Variants in CCL14 observed in about 807,000 individuals in gnomAD.
The protein encoded by CCL14 is C-C motif chemokine ligand 14.
CCL14 carries 8 observed loss-of-function variants against 8.2 expected under a neutral mutation model. The observed-to-expected ratio is 0.98, with a 90% CI of 0.57 to 1.76. The LOEUF is 1.76. Ranked by LOEUF, CCL14 falls within the 40% of genes most tolerant of loss-of-function variation. The probability of loss-of-function intolerance (pLI) is 0.00; values close to 1 mark genes in which losing one functional copy is unlikely to be tolerated. For synonymous variants in CCL14, 50 were observed against 43.2 expected (o/e 1.16, Z -0.62); for missense variants, 127 against 118.3 (o/e 1.07, Z -0.34).
At chr17:35,983,942 A>ATGGGCTGTCTCTTCC in intron 2 of CCL14, 54 bp from the exon 3 acceptor site, 1 of 1,314,730 alleles carries the variant, frequency 7.6e-7, no homozygotes, top group African/African-American at 1.4e-5. Flanking sequence ...TGGCCGGAAG[A>ATGGGCTGTCTCTTCC]GACAGCCCAT....
At position 35,986,675 on chromosome 17, in the gene CCL14, G is replaced by C. The variant is rs1480128680; in HGVS notation, c.-26C>G. On this transcript the variant is annotated 5_prime_UTR_variant, in exon 1 of 3. Coordinates refer to ENST00000618404, the MANE Select transcript of CCL14 (RefSeq NM_032963.4). ...GCTGTGGGAAGCTGTTGTGGGAGGA[G>C]AGCTGGCCTGGTGGGAGCTTCAGAG... 3 of 1,586,208 alleles carry C rather than the reference G, an allele frequency of 1.9e-6. No individual in the cohort carries two copies. The highest frequency in any genetic ancestry group is 2.6e-6 in the Non-Finnish European group (3 of 1,154,912).
chr17:35,984,687 C>T (rs533731552), intron 1 of CCL14: 95 of 576,746 alleles, frequency 1.6e-4, no homozygotes, highest in African/African-American at 1.4e-3. Context: ...TTCAACCCCT[C>T]TTGGAAAGAC....
intron 1 of CCL14, chr17:35,986,295 C>T (rs2089767795): frequency 4.4e-6 from 2 of 458,802 alleles, no homozygotes; most frequent in Admixed American, 3.7e-5. Flanking sequence ...CAAGTCAAGT[C>T]TCATTGGTCA....
At position 35,983,561 on chromosome 17, in the gene CCL14, T is replaced by C; in HGVS notation, c.*240A>G. ...TTTTTGTACCAGGCTCCAGCAAAAC[T>C]TCTGCAGAGCGAGGCTTGATGCCGA... On this transcript the variant is annotated 3_prime_UTR_variant, in exon 3 of 3. Coordinates refer to ENST00000618404, the MANE Select transcript of CCL14 (RefSeq NM_032963.4). 1.3e-5 allele frequency: 6 copies of C among 456,794 alleles called. No homozygotes were observed. Among genetic ancestry groups the C allele is most frequent in the Non-Finnish European group, 1.9e-5 (5 of 257,526 alleles). 28.3% of individuals were successfully genotyped at this position (456,794 alleles called of 1,614,324 possible).
intron 1 of CCL14, 144 bp from the exon 2 acceptor site, chr17:35,984,596 A>C (rs1182867010): frequency 1.6e-6 from 1 of 633,404 alleles, no homozygotes; most frequent in Non-Finnish European, 2.9e-6. Context: ...GGCTTTCCTC[A>C]TCTTCTCTTC....
chr17:35,983,874 C>G lies in CCL14; in HGVS notation c.209G>C (p.Arg70Thr), dbSNP rs775571388. 35 of 1,613,772 alleles carry G rather than the reference C, an allele frequency of 2.2e-5. No individual in the cohort carries two copies. The highest frequency in any genetic ancestry group is 1.3e-4 in the Admixed American group (8 of 60,008). ...SKPGIVFITK[R>T]GHSVCTNPSD... is the part of the protein sequence containing the mutation. ...GGGGTTGGTACAGACGGAATGGCCCCTTTTGGTGATGAAGCTGTGGAGCAA... is the reference window on the plus strand; with the variant it reads ...GGGGTTGGTACAGACGGAATGGCCCGTTTTGGTGATGAAGCTGTGGAGCAA... Residue 70 changes from arginine (R) to threonine (T), a missense_variant, in exon 3 of 3, where the codon AGG (arginine) becomes ACG (threonine). Transcript: ENST00000618404.
chr17:35,986,252 AT>A (rs893169722), intron 1 of CCL14: 17 of 392,830 alleles, frequency 4.3e-5, no homozygotes, highest in African/African-American at 8.1e-5. Context: ...ACTAGAGGGC[AT>A]TTGGGGTAGT....
At chr17:35,984,643 C>A in intron 1 of CCL14, 191 bp from the exon 2 acceptor site, 1 of 597,046 alleles carries the variant, frequency 1.7e-6, no homozygotes, top group Non-Finnish European at 3.0e-6. Flanking sequence ...TTCTTTTTCT[C>A]CTCCCTCATC....
chr17:35,985,821 AAG>A, intron 1 of CCL14: 4 of 1,533,656 alleles, frequency 2.6e-6, no homozygotes, highest in Non-Finnish European at 3.5e-6. Context: ...GGTAAAATGG[AAG>A]AGTGATAAAT....
At chr17:35,985,926 GC>G in intron 1 of CCL14, 1 of 734,812 alleles carries the variant, frequency 1.4e-6, no homozygotes. Flanking sequence ...TTTCCCCCCA[GC>G]CCATACCCAA....
In CCL14 at chr17:35,983,824, T is replaced by C; in HGVS notation, c.259A>G (p.Ile87Val). ...ACTCAGTTCTCCTTCATGTCCTTGA[T>C]ATAGTCCTGGACCCACTTGTCACTG... Reference protein sequence around the residue: ...NPSDKWVQDYIKDMKEN With the variant: ...NPSDKWVQDYVKDMKEN The change falls in exon 3 of 3, where the codon ATC becomes GTC. Residue 87 changes from isoleucine (I) to valine (V), a missense_variant. By Grantham distance (29) the Ile-to-Val change is conservative (BLOSUM62 3). Transcript: ENST00000618404. The C allele has an allele frequency of 6.2e-7, 1 of 1,613,788 alleles. No homozygotes were observed. Among genetic ancestry groups the C allele is most frequent in the Non-Finnish European group, 8.5e-7 (1 of 1,179,702 alleles).
At position 35,983,788 on chromosome 17, in the gene CCL14, C is replaced by A; in HGVS notation, c.*13G>T. 1 of 1,595,320 alleles carries A rather than the reference C, an allele frequency of 6.3e-7. No individual in the cohort carries two copies. The highest frequency in any genetic ancestry group is 8.6e-7 in the Non-Finnish European group (1 of 1,162,918). ...GTCTCTGAGCTGTGCCTTCGCCACC[C>A]CTTCTGGGTCACTCAGTTCTCCTTC... On this transcript the variant is annotated 3_prime_UTR_variant, in exon 3 of 3. Transcript: ENST00000618404.
intron 2 of CCL14, among the ~76,000 whole-genome samples, 176 bp downstream of exon 2, chr17:35,984,162 T>C (rs575574172): frequency 6.6e-6 from 1 of 152,048 alleles, no homozygotes; most frequent in South Asian, 2.1e-4. Context: ...AGTTTCCCCA[T>C]GGCTCCTGCA....
At position 35,984,378 on chromosome 17, in the gene CCL14, A is replaced by G. The variant is rs892667038; in HGVS notation, c.154T>C (p.Tyr52His). 1 of 1,613,764 alleles carries G rather than the reference A, an allele frequency of 6.2e-7. No individual in the cohort carries two copies. Among genetic ancestry groups the G allele is most frequent in the African/African-American group, 1.3e-5 (1 of 74,956 alleles). Residue 52 changes from tyrosine (Y) to histidine (H), a missense_variant, in exon 2 of 3, where the codon TAC (tyrosine) becomes CAC (histidine). Transcript: ENST00000618404. The stretch of plus-strand genomic sequence containing the variant: ...GAGCACTGGCTGTTGGTCTCATAGT[A>G]ATCCATAATCCGCTGACGCGGGATC... The part of the protein sequence containing the change: ...YKIPRQRIMD[Y>H]YETNSQCSKP...
chr17:35,985,482 G>A (rs1165592814), intron 1 of CCL14: 2 of 505,078 alleles, frequency 4.0e-6, no homozygotes, highest in African/African-American at 1.9e-5. Flanking sequence ...GAGAAATCAG[G>A]TGTGTGCATG....
chr17:35,986,078 GC>G, intron 1 of CCL14: 1 of 478,964 alleles, frequency 2.1e-6, no homozygotes, highest in South Asian at 3.5e-5. Flanking sequence ...AATGGGGTGG[GC>G]CACTCTTTTG....
At position 35,986,682 on chromosome 17, in the gene CCL14, C is replaced by T; in HGVS notation, c.-33G>A. ...GAAGCTGTTGTGGGAGGAGAGCTGG[C>T]CTGGTGGGAGCTTCAGAGGCTCCTG... On this transcript the variant is annotated 5_prime_UTR_variant, in exon 1 of 3. Coordinates refer to ENST00000618404, the MANE Select transcript of CCL14 (RefSeq NM_032963.4). 1 of 1,545,306 alleles carries T rather than the reference C, an allele frequency of 6.5e-7. No individual in the cohort carries two copies. Among genetic ancestry groups the T allele is most frequent in the Non-Finnish European group, 8.9e-7 (1 of 1,118,028 alleles).
At position 35,983,743 on chromosome 17, in the gene CCL14, C is replaced by G; in HGVS notation, c.*58G>C. The G allele has an allele frequency of 8.3e-7, 1 of 1,206,738 alleles. No individual in the cohort carries two copies. Among genetic ancestry groups the G allele is most frequent in the Non-Finnish European group, 1.2e-6 (1 of 808,808 alleles). 74.8% of individuals were successfully genotyped at this position (1,206,738 alleles called of 1,614,324 possible). A position where few individuals can be genotyped will look rare whatever the true frequency, so the allele number is the denominator to read the frequency against. On this transcript the variant is annotated 3_prime_UTR_variant, in exon 3 of 3. Transcript: ENST00000618404. ...AGTTAGCGGTGGGTGGAGGAGGGGG[C>G]CTTGGCATCTTCTCTTTATGTCTCT... is the stretch of plus-strand genomic sequence containing the variant.
chr17:35,984,484 G>T, intron 1 of CCL14, 32 bp from the exon 2 acceptor site: 2 of 1,492,628 alleles, frequency 1.3e-6, no homozygotes. Flanking sequence ...CTGAGGAGGG[G>T]CCCCTTGTTA....
Sources: gnomAD v4.1 joint callset for allele counts (sites outside exome capture counted in the v4.1 genomes callset) on GRCh38, gnomAD v4.1.1 for gene constraint, MANE v1.5 for transcripts, NCBI Gene and HGNC (gene_info 2026-07-23, HGNC 2026-07-21) for gene names.